The following TOM1L2 variants were observed in gnomAD, a reference collection of about 807,000 sequenced individuals.
The protein encoded by TOM1L2 is target of myb1 like 2 membrane trafficking protein, also known as TOM1-like protein 2.
TOM1L2 carries 31 observed loss-of-function variants against 67.9 expected under a neutral mutation model. That is an observed-to-expected ratio of 0.46 (90% CI 0.34 to 0.62). The LOEUF is 0.62. TOM1L2 is among the 20% of genes least tolerant of loss of function. The pLI, the probability that TOM1L2 is intolerant of heterozygous loss-of-function variation, is 0.01. For synonymous variants in TOM1L2, 256 were observed against 254.0 expected, an observed-to-expected ratio of 1.01 and a Z score of -0.07; for missense variants, 606 against 663.5, an observed-to-expected ratio of 0.91 and a Z score of 0.95.
intron 1 of TOM1L2, among the ~76,000 whole-genome samples, chr17:17,934,985 G>C (rs2040464454): frequency 6.6e-6 from 1 of 152,210 alleles, no homozygotes; most frequent in South Asian, 2.1e-4. Flanking sequence ...ATAGCAATTA[G>C]AGTGGAACTC....
intron 1 of TOM1L2, among the ~76,000 whole-genome samples, chr17:17,915,840 GGT>G (rs1491234574): frequency 2.1e-4 from 23 of 109,132 alleles, no homozygotes; most frequent in African/African-American, 9.2e-4. Context: ...AAACTGAGTA[GGT>G]TTTTTTTTTT....
intron 1 of TOM1L2, among the ~76,000 whole-genome samples, chr17:17,946,559 C>T (rs984581829): frequency 6.6e-6 from 1 of 152,084 alleles, no homozygotes; most frequent in Non-Finnish European, 1.5e-5. Context: ...TTTCCCATCT[C>T]GATTCTGATA....
chr17:17,859,108 CTCT>C (rs1440446191), intron 12 of TOM1L2: 1 of 152,206 alleles, frequency 6.6e-6, no homozygotes, highest in African/African-American at 2.4e-5. Flanking sequence ...CGGAGTTTCA[CTCT>C]TCTTGCCCAG....
At chr17:17,893,549 G>A in intron 4 of TOM1L2, 112 bp downstream of exon 4, 1 of 1,056,048 alleles carries the variant, frequency 9.5e-7, no homozygotes, top group Non-Finnish European at 1.4e-6. Flanking sequence ...TATTTTAAAT[G>A]TAGAAGTCTC....
chr17:17,874,087 C>T (rs2037297980), intron 7 of TOM1L2, among the ~76,000 whole-genome samples: 1 of 151,670 alleles, frequency 6.6e-6, no homozygotes, highest in African/African-American at 2.4e-5. Flanking sequence ...TTCCGAGTAG[C>T]TGGGATTACA....
Position 17,862,740 on chromosome 17 carries a change from T to G in TOM1L2, c.1193A>C (p.Gln398Pro). 6.2e-7 allele frequency: 1 copy of G among 1,613,328 alleles called. No individual in the cohort carries two copies. The highest frequency in any genetic ancestry group is 8.5e-7 in the Non-Finnish European group (1 of 1,180,006). ...AAGGGGCCCCACATACGTCTTGCGC[T>G]GCTCAGCCAAGGAGTTTCCTCTCGT... ...AQTRGNSLAE[Q>P]RKTVTYEDPQ... Residue 398 changes from glutamine (Q) to proline (P), a missense_variant, in exon 11 of 15, where the codon CAG (glutamine) becomes CCG (proline). Physicochemically the swap from Gln to Pro is moderately conservative, Grantham distance 76 (BLOSUM62 -1). Around this residue, in one of 2 missense-constraint regions of TOM1L2, gnomAD observed 543 missense variants for 554.0 expected, o/e 0.98. Coordinates refer to ENST00000379504, the MANE Select transcript of TOM1L2 (RefSeq NM_001082968.2).
At chr17:17,969,095 C>T (rs2041974068) in intron 1 of TOM1L2, among the ~76,000 whole-genome samples, 1 of 149,092 alleles carries the variant, frequency 6.7e-6, no homozygotes, top group Admixed American at 6.7e-5. Context: ...CTCACTCTGT[C>T]GCCCAGGCTG....
chr17:17,896,689 T>C (rs778829767), intron 3 of TOM1L2, among the ~76,000 whole-genome samples: 10 of 152,182 alleles, frequency 6.6e-5, no homozygotes, highest in Non-Finnish European at 2.9e-5. Context: ...TTTTCCAGAA[T>C]GAAGCCAAAA....
intron 1 of TOM1L2, among the ~76,000 whole-genome samples, chr17:17,950,918 C>G (rs889283442): frequency 5.3e-5 from 8 of 152,156 alleles, no homozygotes; most frequent in Admixed American, 4.6e-4. Flanking sequence ...AAAGATCAGA[C>G]ACTGCAGTTT....
chr17:17,862,631 TGGA>T, intron 11 of TOM1L2, 97 bp downstream of exon 11: 1 of 1,006,844 alleles, frequency 9.9e-7, no homozygotes, highest in Non-Finnish European at 1.5e-6. Flanking sequence ...CTGGCAGTCC[TGGA>T]CATGGTAAAT....
At chr17:17,895,811 C>T (rs537775002) in intron 3 of TOM1L2, among the ~76,000 whole-genome samples, 7 of 152,324 alleles carry the variant, frequency 4.6e-5, no homozygotes, top group African/African-American at 1.7e-4. Context: ...CTTGAAATAA[C>T]CCTGTAAGAT....
intron 6 of TOM1L2, among the ~76,000 whole-genome samples, chr17:17,880,479 G>A (rs749559586): frequency 5.9e-5 from 9 of 152,172 alleles, no homozygotes; most frequent in Non-Finnish European, 1.3e-4. Flanking sequence ...CCTCAGATCT[G>A]CCCCTTCACT....
At chr17:17,956,768 C>G (rs2041473032) in intron 1 of TOM1L2, among the ~76,000 whole-genome samples, 1 of 152,216 alleles carries the variant, frequency 6.6e-6, no homozygotes, top group Admixed American at 6.5e-5. Flanking sequence ...GCCTGCGGTG[C>G]TGGGCCCGCT....
chr17:17,961,263 GA>G (rs980243227), intron 1 of TOM1L2, among the ~76,000 whole-genome samples: 1 of 150,346 alleles, frequency 6.7e-6, no homozygotes, highest in African/African-American at 2.4e-5. Context: ...CTACTATAAA[GA>G]AAAAAAAATG....
intron 10 of TOM1L2, among the ~76,000 whole-genome samples, chr17:17,865,423 C>A (rs781757565): frequency 1.3e-5 from 2 of 152,202 alleles, no homozygotes; most frequent in Non-Finnish European, 2.9e-5. Context: ...GTCCCCCAGG[C>A]TGGAGTGCAA....
rs1367658167 is a variant in TOM1L2 at position 17,849,182 on chromosome 17, C to A, written c.1339-323G>T. On this transcript the variant is annotated intron_variant, in intron 13 of 14. Coordinates refer to ENST00000379504, the MANE Select transcript of TOM1L2 (RefSeq NM_001082968.2). ...CTGGGCTGCAGAGGGCGGGACCCCA[C>A]CTTTGGCACTCTTGAGGCTCTAGGG... Among the ~76,000 whole-genome samples the A allele has an allele frequency of 2.6e-5, 4 of 152,228 alleles. No homozygotes were observed. The East Asian group carries it at 5.8e-4, about 22-fold the overall frequency.
Position 17,884,658 on chromosome 17 carries a change from C to T in TOM1L2, c.477G>A (p.Leu159=), listed in dbSNP as rs145989079. 91 of 1,614,096 alleles carry T rather than the reference C, an allele frequency of 5.6e-5. No individual in the cohort carries two copies. In the African/African-American group the frequency reaches 7.9e-4, roughly 14 times the overall value. The change falls in exon 5 of 15, where the codon CTG becomes CTA. Residue 159 remains leucine, a synonymous_variant. Transcript: ENST00000379504. Reference sequence around the variant, plus strand: ...CCCGCTGTGGTGTGTGTATGGGAGACAGAGCGTCCAAGTCTGCCATGGGAA... The same window carrying T: ...CCCGCTGTGGTGTGTGTATGGGAGATAGAGCGTCCAAGTCTGCCATGGGAA... ...VEFPMADLDA[L]SPIHTPQRSV... is the part of the protein sequence containing the mutation.
At chr17:17,959,758 A>AATCAG in intron 1 of TOM1L2, among the ~76,000 whole-genome samples, 1 of 152,238 alleles carries the variant, frequency 6.6e-6, no homozygotes, top group East Asian at 1.9e-4. Context: ...GAGATGAAAG[A>AATCAG]ATCAGTCTCT....
intron 1 of TOM1L2, among the ~76,000 whole-genome samples, chr17:17,968,685 T>A (rs2041955870): frequency 6.8e-6 from 1 of 147,828 alleles, no homozygotes; most frequent in African/African-American, 2.5e-5. Flanking sequence ...AAAAAAAGAA[T>A]GTAGTCTTTG....
Sources: allele counts gnomAD v4.1 joint callset (sites outside exome capture counted in the v4.1 genomes callset), GRCh38; gene constraint gnomAD v4.1.1; regional missense constraint gnomAD v4.1.1; transcripts MANE v1.5; gene names NCBI Gene and HGNC (gene_info 2026-07-23, HGNC 2026-07-21).